Variants in VIT observed in about 807,000 individuals in gnomAD.
The protein encoded by VIT is vitrin.
A neutral mutation model predicts 78.0 loss-of-function variants in VIT; 99 were observed. The ratio of observed to expected loss-of-function variants is 1.27; its 90% CI spans 1.08 to 1.50. VIT has a LOEUF of 1.50. Ranked by LOEUF, VIT falls within the 40% of genes most tolerant of loss-of-function variation. The pLI is 0.00. For synonymous variants in VIT, 374 were observed against 334.3 expected (o/e 1.12, Z -1.29); for missense variants, 1,126 against 875.3 (o/e 1.29, Z -3.61).
At chr2:36,786,091 G>A (rs1665075238) in intron 11 of VIT, among the ~76,000 whole-genome samples, 1 of 152,074 alleles carries the variant, frequency 6.6e-6, no homozygotes, top group Admixed American at 6.5e-5. Flanking sequence ...TCTGGCCGCT[G>A]CTCCCCACCC....
chr2:36,730,406 AC>A (rs1243982592), intron 3 of VIT, among the ~76,000 whole-genome samples: 1 of 152,132 alleles, frequency 6.6e-6, no homozygotes, highest in Non-Finnish European at 1.5e-5. Context: ...ATCTCCAGGG[AC>A]CCAGACTTCT....
At chr2:36,795,498 C>T (rs554533164) in intron 12 of VIT, among the ~76,000 whole-genome samples, 143 of 151,936 alleles carry the variant, frequency 9.4e-4, no homozygotes, top group African/African-American at 3.3e-3. Context: ...CTGCAACCTC[C>T]GCCTCCCGGG....
intron 4 of VIT, among the ~76,000 whole-genome samples, chr2:36,745,054 C>G (rs1233321250): frequency 6.6e-6 from 1 of 152,066 alleles, no homozygotes; most frequent in Non-Finnish European, 1.5e-5. Context: ...TTATCCCCAG[C>G]ACTATTTATT....
chr2:36,795,148 A>AT (rs1464618433), intron 12 of VIT, among the ~76,000 whole-genome samples: 2 of 152,194 alleles, frequency 1.3e-5, no homozygotes, highest in Non-Finnish European at 2.9e-5. Context: ...GGTTACAGTC[A>AT]AATCCTCATG....
intron 12 of VIT, among the ~76,000 whole-genome samples, chr2:36,800,064 TG>T (rs1666206499): frequency 8.0e-6 from 1 of 125,058 alleles, no homozygotes; most frequent in Non-Finnish European, 1.6e-5. Context: ...AAAAAAAAAA[TG>T]GCCGGGCACG....
At chr2:36,755,321 C>T (rs1310179102) in intron 5 of VIT, among the ~76,000 whole-genome samples, 2 of 152,182 alleles carry the variant, frequency 1.3e-5, no homozygotes, top group Non-Finnish European at 2.9e-5. Context: ...TTTTTAATTA[C>T]ATTAATTACA....
In VIT at chr2:36,754,998, C is replaced by T. The variant is rs2148550096; in HGVS notation, c.353C>T (p.Ser118Phe). The change falls in exon 5 of 16, where the codon TCC becomes TTC. Residue 118 changes from serine to phenylalanine, a missense_variant. Physicochemically the swap from Ser to Phe is radical, Grantham distance 155. Transcript: ENST00000379242. The part of the protein sequence containing the change: ...AGQSGYKGSY[S>F]NGVQSLSLPR... ...CAGTCTGGTTACAAAGGGAGTTATTCCAACGGTGTCCAATCGTTATCCCTA... is the reference window on the plus strand; with the variant it reads ...CAGTCTGGTTACAAAGGGAGTTATTTCAACGGTGTCCAATCGTTATCCCTA... 6.2e-7 allele frequency: 1 copy of T among 1,614,154 alleles called. No homozygotes were observed. The highest frequency in any genetic ancestry group is 1.1e-5 in the South Asian group (1 of 91,074).
At chr2:36,797,933 A>G (rs12618630) in intron 12 of VIT, among the ~76,000 whole-genome samples, 112,601 of 152,068 alleles carry the variant, frequency 0.74, 42,054 homozygotes, top group East Asian at 0.99. Flanking sequence ...TGGGGCTGGG[A>G]GTAAGGGAGA....
intron 12 of VIT, among the ~76,000 whole-genome samples, chr2:36,788,944 C>A (rs1435214538): frequency 6.6e-6 from 1 of 152,130 alleles, no homozygotes; most frequent in Non-Finnish European, 1.5e-5. Context: ...AATAAAGACG[C>A]CTTCCCCCAA....
chr2:36,801,806 C>T (rs1043425522), intron 13 of VIT, among the ~76,000 whole-genome samples: 1 of 151,208 alleles, frequency 6.6e-6, no homozygotes, highest in Non-Finnish European at 1.5e-5. Flanking sequence ...AAAGAAATTA[C>T]TCCTGCAACA....
At chr2:36,775,089 A>G (rs1572517420) in intron 9 of VIT, 22 bp downstream of exon 9, 2 of 1,612,936 alleles carry the variant, frequency 1.2e-6, no homozygotes, top group Non-Finnish European at 8.5e-7. Flanking sequence ...ACTGCTTACC[A>G]TCTCTGCTCC....
At chr2:36,811,670 C>T (rs11897023) in intron 15 of VIT, among the ~76,000 whole-genome samples, 2,178 of 143,298 alleles carry the variant, frequency 0.015, 57 homozygotes, top group African/African-American at 0.053. Context: ...TTCTTTCTTT[C>T]TTTTTTTTTT....
At chr2:36,734,702 C>A (rs991236856) in intron 3 of VIT, among the ~76,000 whole-genome samples, 4 of 152,162 alleles carry the variant, frequency 2.6e-5, no homozygotes, top group Non-Finnish European at 5.9e-5. Context: ...TGGTAGTTAT[C>A]TCTTTCTCTC....
chr2:36,805,056 A>C (rs1306629912), intron 13 of VIT, among the ~76,000 whole-genome samples: 3 of 151,686 alleles, frequency 2.0e-5, no homozygotes, highest in Non-Finnish European at 4.4e-5. Context: ...TAATCTCAGC[A>C]CTTTGGCAGG....
At chr2:36,712,126 G>A (rs761215697) in intron 1 of VIT, among the ~76,000 whole-genome samples, 2 of 150,374 alleles carry the variant, frequency 1.3e-5, no homozygotes, top group Non-Finnish European at 2.9e-5. Context: ...GCTCAGCCTT[G>A]GCAATGGCTG....
chr2:36,750,237 C>T (rs1002814428), intron 4 of VIT, among the ~76,000 whole-genome samples: 11 of 152,226 alleles, frequency 7.2e-5, no homozygotes, highest in South Asian at 4.1e-4. Context: ...TACAAATCTA[C>T]GCACACGTGT....
chr2:36,721,266 T>A (rs1666491793), intron 2 of VIT, among the ~76,000 whole-genome samples: 1 of 152,172 alleles, frequency 6.6e-6, no homozygotes, highest in Non-Finnish European at 1.5e-5. Flanking sequence ...AATTTTTATT[T>A]GTCAATTATA....
At chr2:36,739,485 T>G (rs1667702783) in intron 3 of VIT, among the ~76,000 whole-genome samples, 1 of 152,212 alleles carries the variant, frequency 6.6e-6, no homozygotes, top group South Asian at 2.1e-4. Flanking sequence ...ATAGTACCAG[T>G]TGTCTGTTCT....
At position 36,781,758 on chromosome 2, in the gene VIT, C is replaced by T; in HGVS notation, c.834C>T (p.Val278=). 1.2e-6 allele frequency: 2 copies of T among 1,614,114 alleles called. No individual in the cohort carries two copies. The highest frequency in any genetic ancestry group is 1.7e-6 in the Non-Finnish European group (2 of 1,180,010). ...GEMDSWKPGS[V]LLDEGLVPKE... ...TGGACTCATGGAAACCTGGATCGGT[C>T]CTTTTAGATGAAGGTAATTATACAG... The change falls in exon 10 of 16, where the codon GTC becomes GTT. Residue 278 remains valine, a synonymous_variant. Coordinates refer to ENST00000379242, the MANE Select transcript of VIT (RefSeq NM_053276.4).
Sources: gnomAD v4.1 joint callset for allele counts (sites outside exome capture counted in the v4.1 genomes callset) on GRCh38, gnomAD v4.1.1 for gene constraint, MANE v1.5 for transcripts, NCBI Gene and HGNC (gene_info 2026-07-23, HGNC 2026-07-21) for gene names.